The following PLD1 variants were observed in gnomAD, a reference collection of about 807,000 sequenced individuals.
The protein encoded by PLD1 is phospholipase D1, also known as choline phosphatase 1.
PLD1 carries 112 observed loss-of-function variants against 137.1 expected under a neutral mutation model. The ratio of observed to expected loss-of-function variants is 0.82; its 90% CI spans 0.70 to 0.96. The LOEUF is 0.96. PLD1 is among the 40% of genes least tolerant of loss of function. The pLI is 0.00. For synonymous variants in PLD1, 431 were observed against 454.7 expected (o/e 0.95, Z 0.66); for missense variants, 1,321 against 1,342.0 (o/e 0.98, Z 0.24).
chr3:171,727,154 A>T (rs1718580699), intron 6 of PLD1, among the ~76,000 whole-genome samples: 1 of 152,180 alleles, frequency 6.6e-6, no homozygotes, highest in Admixed American at 6.5e-5. Context: ...TAGTTCACAG[A>T]ACATACAAAA....
At chr3:171,639,504 TAATAAATAATATATATTCA>T (rs1735462221) in intron 23 of PLD1, among the ~76,000 whole-genome samples, 1 of 112,020 alleles carries the variant, frequency 8.9e-6, no homozygotes, top group African/African-American at 3.8e-5. Flanking sequence ...ATTTAATACA[TAATAAATAATATATATTCA>T]TATAATATAT....
In PLD1 at chr3:171,612,506, T is replaced by C; in HGVS notation, c.2729-74A>G. ...ACTGTTGGTTGCCCTCCCAACTCAA[T>C]TCATCCTTGCAAACAAAACCGTAAT... On this transcript the variant is annotated intron_variant, in intron 24 of 26. Coordinates refer to ENST00000351298, the MANE Select transcript of PLD1 (RefSeq NM_002662.5). This position sits in a 1 kb window ranked among gnomAD's most constrained non-coding sequence, Gnocchi z 4.1. The C allele has an allele frequency of 1.4e-6, 2 of 1,405,316 alleles. No individual in the cohort carries two copies. The highest frequency in any genetic ancestry group is 2.0e-6 in the Non-Finnish European group (2 of 999,242). 87.1% of individuals were successfully genotyped at this position (1,405,316 alleles called of 1,614,324 possible).
chr3:171,731,309 A>G (rs1308077627), intron 6 of PLD1, among the ~76,000 whole-genome samples: 2 of 152,248 alleles, frequency 1.3e-5, no homozygotes, highest in Non-Finnish European at 2.9e-5. Flanking sequence ...TGAAGAAAAC[A>G]TGTAAATTCC....
chr3:171,627,844 G>C (rs1228151008), intron 23 of PLD1, among the ~76,000 whole-genome samples: 3 of 152,030 alleles, frequency 2.0e-5, no homozygotes, highest in Admixed American at 2.0e-4. Flanking sequence ...CAGAATCTCT[G>C]GGACACATTC....
At chr3:171,686,514 G>A (rs1011306672) in intron 16 of PLD1, among the ~76,000 whole-genome samples, 171 bp downstream of exon 16, 4 of 152,228 alleles carry the variant, frequency 2.6e-5, no homozygotes, top group African/African-American at 9.6e-5. Flanking sequence ...AGGGAGTAGG[G>A]ATCTTGGATA....
intron 24 of PLD1, among the ~76,000 whole-genome samples, chr3:171,616,259 T>C (rs1355821061): frequency 1.3e-5 from 2 of 152,224 alleles, no homozygotes; most frequent in African/African-American, 4.8e-5. Context: ...CTTTTTATTC[T>C]CTTTACAGTA....
At chr3:171,624,619 A>G (rs999226231) in intron 23 of PLD1, among the ~76,000 whole-genome samples, 33 of 152,168 alleles carry the variant, frequency 2.2e-4, no homozygotes, top group Non-Finnish European at 4.9e-4. Context: ...AGAAGCATAT[A>G]ATGGTTGTTG....
chr3:171,742,931 G>A (rs933828280), intron 1 of PLD1, among the ~76,000 whole-genome samples: 3 of 151,966 alleles, frequency 2.0e-5, no homozygotes, highest in African/African-American at 7.3e-5. Context: ...ATGTTTACTT[G>A]GATCTTTGAC....
chr3:171,686,831 T>C (rs1469283119), intron 15 of PLD1, 33 bp from the exon 16 acceptor site: 3 of 1,083,190 alleles, frequency 2.8e-6, no homozygotes, highest in East Asian at 2.4e-5. Context: ...TACAAAAAAA[T>C]ACAAATATCA....
rs926536259 is a variant in PLD1, at chr3:171,600,981, G to C, written c.*2097C>G. On this transcript the variant is annotated 3_prime_UTR_variant, in exon 27 of 27. Coordinates refer to ENST00000351298, the MANE Select transcript of PLD1 (RefSeq NM_002662.5). Reference sequence around the variant, plus strand: ...CCCCATGGAGCTTACATTCTAGTAGGGGGAGACAGACAAACACATAAATAC... The same window carrying C: ...CCCCATGGAGCTTACATTCTAGTAGCGGGAGACAGACAAACACATAAATAC... 6.6e-6 allele frequency: 1 copy of C among 152,180 alleles called. No homozygotes were observed. Among genetic ancestry groups the C allele is most frequent in the African/African-American group, 2.4e-5 (1 of 41,420 alleles). The allele number at this position is 152,180 out of a possible 1,614,324, so 9.4% of individuals were successfully genotyped here. A position where few individuals can be genotyped will look rare whatever the true frequency, so the allele number is the denominator to read the frequency against.
intron 21 of PLD1, among the ~76,000 whole-genome samples, chr3:171,652,326 T>G (rs1050105632): frequency 6.8e-6 from 1 of 148,120 alleles, no homozygotes; most frequent in Non-Finnish European, 1.5e-5. Context: ...GGCAGGAGAA[T>G]GGCGTGAACC....
chr3:171,653,064 G>C (rs1237288213), intron 21 of PLD1, among the ~76,000 whole-genome samples: 1 of 152,122 alleles, frequency 6.6e-6, no homozygotes, highest in Non-Finnish European at 1.5e-5. Context: ...CATGGTTTGA[G>C]TCCTACTCCT....
At chr3:171,724,813 AT>A in intron 7 of PLD1, 25 bp from the exon 8 acceptor site, 1 of 1,432,348 alleles carries the variant, frequency 7.0e-7, no homozygotes. Flanking sequence ...AAATTAACCC[AT>A]CACCTTCAAA....
chr3:171,777,066 A>G (rs1722615808), intron 1 of PLD1, among the ~76,000 whole-genome samples: 1 of 152,186 alleles, frequency 6.6e-6, no homozygotes, highest in Non-Finnish European at 1.5e-5. Context: ...ACAATACAGT[A>G]ACTTCTGCTT....
At chr3:171,703,406 G>A (rs909807971) in intron 11 of PLD1, among the ~76,000 whole-genome samples, 8 of 152,114 alleles carry the variant, frequency 5.3e-5, no homozygotes, top group Non-Finnish European at 7.4e-5. Flanking sequence ...GTCTTTATTC[G>A]TAGATCACAT....
chr3:171,625,731 C>A (rs1042708298), intron 23 of PLD1, among the ~76,000 whole-genome samples: 1 of 152,190 alleles, frequency 6.6e-6, no homozygotes, highest in Non-Finnish European at 1.5e-5. Flanking sequence ...TGCTGGTACC[C>A]AGGCAAACAG....
chr3:171,698,901 G>T (rs1478782797), intron 12 of PLD1, among the ~76,000 whole-genome samples: 1 of 149,544 alleles, frequency 6.7e-6, no homozygotes, highest in Non-Finnish European at 1.5e-5. Flanking sequence ...GCTTAAAGCT[G>T]GGAGGCAGAG....
chr3:171,610,686 T>C (rs1732577071), intron 25 of PLD1, among the ~76,000 whole-genome samples: 1 of 152,358 alleles, frequency 6.6e-6, no homozygotes, highest in African/African-American at 2.4e-5. Context: ...CTTTTATGTA[T>C]GCCGCAGTAG....
At chr3:171,690,878 T>G (rs1715086847) in intron 13 of PLD1, among the ~76,000 whole-genome samples, 1 of 152,204 alleles carries the variant, frequency 6.6e-6, no homozygotes, top group Non-Finnish European at 1.5e-5. Context: ...TCTGTTTTCT[T>G]ACTTATCTTC....
Sources: gnomAD v4.1 joint callset for allele counts (sites outside exome capture counted in the v4.1 genomes callset) on GRCh38, gnomAD v4.1.1 for gene constraint, Gnocchi (gnomAD v3.1) non-coding constraint, MANE v1.5 for transcripts, NCBI Gene and HGNC (gene_info 2026-07-23, HGNC 2026-07-21) for gene names.